Variants in ENTPD7 observed in about 807,000 individuals in gnomAD.
The protein encoded by ENTPD7 is ectonucleoside triphosphate diphosphohydrolase 7, also known as NTPDase 7.
In ENTPD7, 53 loss-of-function variants were observed where a neutral mutation model predicts 77.9. That is an observed-to-expected ratio of 0.68 (90% CI 0.55 to 0.85). The LOEUF is 0.85. Ranked by LOEUF, ENTPD7 falls within the 40% of genes least tolerant of loss-of-function variation. The probability of loss-of-function intolerance (pLI) is 0.00; values close to 1 mark genes in which losing one functional copy is unlikely to be tolerated. For synonymous variants in ENTPD7, 248 were observed against 274.9 expected, an observed-to-expected ratio of 0.90 and a Z score of 0.97; for missense variants, 636 against 743.7, an observed-to-expected ratio of 0.86 and a Z score of 1.68.
rs1465670205 is a variant in ENTPD7 at position 99,706,204 on chromosome 10, T to C, written c.*1521T>C. 1 of 152,142 alleles carries C rather than the reference T, an allele frequency of 6.6e-6. No homozygotes were observed. The highest frequency in any genetic ancestry group is 2.1e-4 in the South Asian group (1 of 4,828). The allele number at this position is 152,142 out of a possible 1,614,324, so 9.4% of individuals were successfully genotyped here. A position where few individuals can be genotyped will look rare whatever the true frequency, so the allele number is the denominator to read the frequency against. ...GCTTCATAAAACAGGGAAAAAGAAA[T>C]TAAGATCATCCTAGAAATAAACTAA... On this transcript the variant is annotated 3_prime_UTR_variant, in exon 13 of 13. Coordinates refer to ENST00000370489, the MANE Select transcript of ENTPD7 (RefSeq NM_020354.5).
rs1276925591 is a variant in ENTPD7, at chr10:99,706,583, C to A, written c.*1900C>A. Among the ~76,000 whole-genome samples, 1 of 152,084 alleles carries A rather than the reference C, an allele frequency of 6.6e-6. No homozygotes were observed. The highest frequency in any genetic ancestry group is 1.9e-4 in the East Asian group (1 of 5,198). On this transcript the variant is annotated 3_prime_UTR_variant, in exon 13 of 13. Transcript: ENST00000370489. ...CTCTTGGGCTCAAGCAATCCTCCCA[C>A]CTCAGCCTCCCAAAGTGCTGGGATT...
At chr10:99,692,286 T>G (rs2035894817) in intron 8 of ENTPD7, among the ~76,000 whole-genome samples, 1 of 152,242 alleles carries the variant, frequency 6.6e-6, no homozygotes, top group African/African-American at 2.4e-5. Context: ...ATATGATATC[T>G]CTTGCCTATA....
At chr10:99,694,668 C>A (rs1409082779) in intron 8 of ENTPD7, among the ~76,000 whole-genome samples, 2 of 151,924 alleles carry the variant, frequency 1.3e-5, no homozygotes, top group East Asian at 3.9e-4. Flanking sequence ...TCCTGAGTAG[C>A]TGGGATTACA....
At chr10:99,669,053 T>TC (rs1379794625) in intron 3 of ENTPD7, among the ~76,000 whole-genome samples, 2 of 149,908 alleles carry the variant, frequency 1.3e-5, no homozygotes, top group African/African-American at 4.9e-5. Flanking sequence ...TTTTTTTTTT[T>TC]TTTTTGTAGA....
Position 99,692,509 on chromosome 10 carries a change from T to C in ENTPD7, c.843+991T>C, listed in dbSNP as rs948519818. On this transcript the variant is annotated intron_variant, in intron 8 of 12. Transcript: ENST00000370489. ...CTTCATGGAAGGTAAAGTATTTACC[T>C]GGGCCTTGGATGAGAGTAGGCTTTT... 2.1e-5 allele frequency among the ~76,000 whole-genome samples: 3 copies of C among 143,692 alleles called. No individual in the cohort carries two copies. In the South Asian group the frequency reaches 6.8e-4, roughly 33 times the overall value. The allele number at this position is 143,692 out of a possible 152,430, so 94.3% of individuals were successfully genotyped here.
intron 8 of ENTPD7, among the ~76,000 whole-genome samples, chr10:99,695,610 G>C (rs7916035): frequency 2.0e-4 from 31 of 152,168 alleles, no homozygotes; most frequent in African/African-American, 6.3e-4. Flanking sequence ...ATTAAAGGAT[G>C]TTTTCCTATT....
Position 99,708,753 on chromosome 10 carries a change from T to C in ENTPD7, c.*4070T>C. ...AAAGCTTCTGGTCAACCCCCTTGAT[T>C]TATATGGGTGATAAAACTGAGGCCT... On this transcript the variant is annotated 3_prime_UTR_variant, in exon 13 of 13. Coordinates refer to ENST00000370489, the MANE Select transcript of ENTPD7 (RefSeq NM_020354.5). 1 of 854,412 alleles carries C rather than the reference T, an allele frequency of 1.2e-6. No homozygotes were observed. The highest frequency in any genetic ancestry group is 1.4e-6 in the Non-Finnish European group (1 of 710,456). 52.9% of individuals were successfully genotyped at this position (854,412 alleles called of 1,614,324 possible).
At chr10:99,671,195 A>T (rs181966727) in intron 3 of ENTPD7, among the ~76,000 whole-genome samples, 3 of 152,118 alleles carry the variant, frequency 2.0e-5, no homozygotes, top group East Asian at 1.9e-4. Context: ...AAATTTATTT[A>T]AAAATTATTT....
Position 99,679,341 on chromosome 10 carries a change from G to A in ENTPD7, c.272G>A (p.Gly91Asp). 6.2e-7 allele frequency: 1 copy of A among 1,614,158 alleles called. No homozygotes were observed. Among genetic ancestry groups the A allele is most frequent in the East Asian group, 2.2e-5 (1 of 44,884 alleles). Residue 91 changes from glycine to aspartate, a missense_variant, in exon 4 of 13, where the codon GGC (glycine) becomes GAC (aspartate). Gly to Asp is a moderately conservative substitution (Grantham distance 94, BLOSUM62 -1). Coordinates refer to ENST00000370489, the MANE Select transcript of ENTPD7 (RefSeq NM_020354.5). Reference sequence around the variant, plus strand: ...AATTATGGACTTGTTGTTGACTGTGGCAGCAGTGGTTCCCGGATTTTTGTT... The same window carrying A: ...AATTATGGACTTGTTGTTGACTGTGACAGCAGTGGTTCCCGGATTTTTGTT... ...NLNYGLVVDC[G>D]SSGSRIFVYF...
chr10:99,679,524 A>G lies in ENTPD7; in HGVS notation c.397+58A>G, dbSNP rs2035725554. 13 of 1,519,992 alleles carry G rather than the reference A, an allele frequency of 8.6e-6. No individual in the cohort carries two copies. The South Asian group carries it at 1.2e-4, about 14-fold the overall frequency. 94.2% of individuals were successfully genotyped at this position (1,519,992 alleles called of 1,614,324 possible). ...CTTTTAAGGCATGAAAGAGGAGACA[A>G]AAGAAGCAGAAAGCAAGCTACCCCT... On this transcript the variant is annotated intron_variant, in intron 4 of 12. Coordinates refer to ENST00000370489, the MANE Select transcript of ENTPD7 (RefSeq NM_020354.5).
chr10:99,694,506 A>G (rs1337633483), intron 8 of ENTPD7, among the ~76,000 whole-genome samples: 2 of 149,234 alleles, frequency 1.3e-5, no homozygotes, highest in Non-Finnish European at 3.0e-5. Context: ...GAACATTCAT[A>G]TACACATTTT....
At chr10:99,670,181 G>A (rs2035603884) in intron 3 of ENTPD7, among the ~76,000 whole-genome samples, 1 of 152,070 alleles carries the variant, frequency 6.6e-6, no homozygotes, top group African/African-American at 2.4e-5. Context: ...CAATTATCGA[G>A]TGTCTACACT....
chr10:99,709,256 C>G lies in ENTPD7; in HGVS notation c.*4573C>G. 6 of 985,256 alleles carry G rather than the reference C, an allele frequency of 6.1e-6. No homozygotes were observed. Among genetic ancestry groups the G allele is most frequent in the Non-Finnish European group, 7.2e-6 (6 of 829,828 alleles). 61.0% of individuals were successfully genotyped at this position (985,256 alleles called of 1,614,324 possible). On this transcript the variant is annotated 3_prime_UTR_variant, in exon 13 of 13. Coordinates refer to ENST00000370489, the MANE Select transcript of ENTPD7 (RefSeq NM_020354.5). The stretch of plus-strand genomic sequence containing the variant: ...CTGTTACAGAAACAGAGGGCTGTTT[C>G]TTTTTGTTGTCTTTAAACTTTTCAA...
chr10:99,691,521 A>C lies in ENTPD7; in HGVS notation c.843+3A>C. On this transcript the variant is annotated splice_donor_region_variant and intron_variant, in intron 8 of 12. Transcript: ENST00000370489. ...CCTCTGTCCTTCCTGCAAAGCAGGT[A>C]CTTTACCTTTTAGGGAAATTTAGTT... is the stretch of plus-strand genomic sequence containing the variant. 1 of 1,612,532 alleles carries C rather than the reference A, an allele frequency of 6.2e-7. No individual in the cohort carries two copies. Among genetic ancestry groups the C allele is most frequent in the Non-Finnish European group, 8.5e-7 (1 of 1,179,540 alleles).
intron 10 of ENTPD7, among the ~76,000 whole-genome samples, chr10:99,700,067 C>T (rs1226198371): frequency 6.6e-6 from 1 of 152,156 alleles, no homozygotes; most frequent in Non-Finnish European, 1.5e-5. Flanking sequence ...TCCTTTCTCT[C>T]CAGCCTCCAG....
Position 99,703,539 on chromosome 10 carries a change from T to G in ENTPD7, c.1583+866T>G, listed in dbSNP as rs143874201. 1.2e-3 allele frequency among the ~76,000 whole-genome samples: 183 copies of G among 152,278 alleles called. 1 individual carries two copies. Among genetic ancestry groups the G allele is most frequent in the African/African-American group, 4.3e-3 (177 of 41,562 alleles). ...TCGCATTCTAGAAGAACACTGCAGGTCAAACCAGACAAAACTAGATCTGGA... is the reference window on the plus strand; with the variant it reads ...TCGCATTCTAGAAGAACACTGCAGGGCAAACCAGACAAAACTAGATCTGGA... On this transcript the variant is annotated intron_variant, in intron 12 of 12. Transcript: ENST00000370489.
At chr10:99,665,016 G>A (rs1415666501) in intron 3 of ENTPD7, among the ~76,000 whole-genome samples, 5 of 151,868 alleles carry the variant, frequency 3.3e-5, no homozygotes, top group South Asian at 2.1e-4. Context: ...TTTGGGAGGC[G>A]GAGGCAGGTG....
At chr10:99,700,432 GTGTGTGTGTGTGTT>G (rs2036095319) in intron 10 of ENTPD7, among the ~76,000 whole-genome samples, 4 of 81,156 alleles carry the variant, frequency 4.9e-5, no homozygotes, top group African/African-American at 1.6e-4. Flanking sequence ...GTGTGTGTGT[GTGTGTGTGTGTGTT>G]TATTGTCTGT....
At chr10:99,694,841 T>G (rs1003758558) in intron 8 of ENTPD7, among the ~76,000 whole-genome samples, 4 of 152,116 alleles carry the variant, frequency 2.6e-5, no homozygotes, top group African/African-American at 4.8e-5. Context: ...CCACCCCAGT[T>G]TTTGGATCTC....
Sources: gnomAD v4.1 joint callset for allele counts (sites outside exome capture counted in the v4.1 genomes callset) on GRCh38, gnomAD v4.1.1 for gene constraint, MANE v1.5 for transcripts, NCBI Gene and HGNC (gene_info 2026-07-23, HGNC 2026-07-21) for gene names.